The following ULK4 variants were observed in gnomAD, a reference collection of about 807,000 sequenced individuals.
ULK4 encodes the protein inactive serine/threonine-protein kinase ULK4.
ULK4 carries 133 observed loss-of-function variants against 160.6 expected under a neutral mutation model. That is an observed-to-expected ratio of 0.83 (90% confidence interval 0.72 to 0.96). ULK4 has a LOEUF of 0.96. ULK4 is among the 40% of genes least tolerant of loss of function. The pLI, the probability that ULK4 is intolerant of heterozygous loss-of-function variation, is 0.00. For missense variants in ULK4, 1,580 were observed against 1,499.5 expected, an observed-to-expected ratio of 1.05 and a Z score of -0.89; for synonymous variants, 534 against 539.8, an observed-to-expected ratio of 0.99 and a Z score of 0.15.
intron 19 of ULK4, among the ~76,000 whole-genome samples, chr3:41,818,305 C>G (rs145511717): frequency 1.4e-4 from 22 of 152,248 alleles, no homozygotes; most frequent in African/African-American, 5.3e-4. Flanking sequence ...TAAAAGCCTT[C>G]TCTCTCCCTT....
Position 41,800,268 on chromosome 3 carries a change from GCC to G in ULK4, c.1872_1873del (p.Met624IlefsTer6), listed in dbSNP as rs1188500133. 3.1e-6 allele frequency: 5 copies of G among 1,612,416 alleles called. No homozygotes were observed. Among genetic ancestry groups the G allele is most frequent in the Non-Finnish European group, 3.4e-6 (4 of 1,179,580 alleles). On this transcript the variant is annotated frameshift_variant, in exon 20 of 37. Coordinates refer to ENST00000301831, the MANE Select transcript of ULK4 (RefSeq NM_017886.4). LOFTEE classifies it high-confidence loss of function. ...ACAGACATTTTCAATAATTTTTGCTGCCATGTGATTCACAACACGCTCTTCCT... is the reference window on the plus strand; with the variant it reads ...ACAGACATTTTCAATAATTTTTGCTGATGTGATTCACAACACGCTCTTCCT...
At position 41,524,831 on chromosome 3, in the gene ULK4, G is replaced by A. The variant is rs1470898878; in HGVS notation, c.3226+41194C>T. Among the ~76,000 whole-genome samples the A allele has an allele frequency of 4.6e-5, 7 of 152,094 alleles. No individual in the cohort carries two copies. The East Asian group carries it at 1.4e-3, about 29-fold the overall frequency. ...CACGTGCCTGTAGTCCAAGCTACTCGGGAAGCTGAGGCAGGGGAATCGCTT... is the reference window on the plus strand; with the variant it reads ...CACGTGCCTGTAGTCCAAGCTACTCAGGAAGCTGAGGCAGGGGAATCGCTT... On this transcript the variant is annotated intron_variant, in intron 32 of 36. Transcript: ENST00000301831.
intron 19 of ULK4, among the ~76,000 whole-genome samples, chr3:41,808,164 C>T (rs2040708697): frequency 6.6e-6 from 1 of 152,120 alleles, no homozygotes; most frequent in African/African-American, 2.4e-5. Context: ...CTAGTTCTTA[C>T]TACAAAAAAT....
intron 18 of ULK4, among the ~76,000 whole-genome samples, chr3:41,823,797 C>G (rs6793520): frequency 0.25 from 38,729 of 152,030 alleles, 6,120 homozygotes; most frequent in African/African-American, 0.45. Flanking sequence ...TTTGCTATCA[C>G]GAGATGTAGT....
chr3:41,346,753 T>C (rs1430775049), intron 35 of ULK4, among the ~76,000 whole-genome samples: 4 of 152,222 alleles, frequency 2.6e-5, no homozygotes, highest in East Asian at 1.9e-4. Context: ...GTAAAAGTAA[T>C]TGAAAAAGAA....
intron 35 of ULK4, among the ~76,000 whole-genome samples, chr3:41,346,259 G>A (rs1465266445): frequency 1.3e-5 from 2 of 152,052 alleles, no homozygotes; most frequent in African/African-American, 4.8e-5. Flanking sequence ...TGATCTGTGG[G>A]GCTGTCTTTT....
At chr3:41,666,329 C>G (rs1345634262) in intron 29 of ULK4, among the ~76,000 whole-genome samples, 1 of 152,210 alleles carries the variant, frequency 6.6e-6, no homozygotes, top group Admixed American at 6.5e-5. Flanking sequence ...CGAAGGCACT[C>G]TTACCAGGGA....
Position 41,896,912 on chromosome 3 carries a change from C to T in ULK4, c.1440G>A (p.Gly480=). ...GGAGATTCAGCTTGGCTCGGGAGGCCCCCATGCTCTTCTCAGTGGAGTCGA... is the reference window on the plus strand; with the variant it reads ...GGAGATTCAGCTTGGCTCGGGAGGCTCCCATGCTCTTCTCAGTGGAGTCGA... The part of the protein sequence containing the change: ...SQIDSTEKSM[G]ASRAKLNLLC... Residue 480 remains glycine (G), a synonymous_variant, in exon 15 of 37, where the codon GGG becomes GGA. Coordinates refer to ENST00000301831, the MANE Select transcript of ULK4 (RefSeq NM_017886.4). 6.2e-7 allele frequency: 1 copy of T among 1,613,438 alleles called. No homozygotes were observed. Among genetic ancestry groups the T allele is most frequent in the Non-Finnish European group, 8.5e-7 (1 of 1,179,860 alleles).
intron 21 of ULK4, among the ~76,000 whole-genome samples, chr3:41,785,869 T>C (rs566910852): frequency 6.6e-6 from 1 of 152,224 alleles, no homozygotes; most frequent in Non-Finnish European, 1.5e-5. Flanking sequence ...CCTTCCTCCC[T>C]GCTGGCTGTG....
intron 32 of ULK4, among the ~76,000 whole-genome samples, chr3:41,532,907 TCTTTCTCCACCC>T (rs2125942389): frequency 6.6e-6 from 1 of 152,324 alleles, no homozygotes; most frequent in African/African-American, 2.4e-5. Flanking sequence ...AGCTAGAGTC[TCTTTCTCCACCC>T]CTTGAACCAA....
chr3:41,859,646 CCTT>C (rs980334301), intron 17 of ULK4: 4 of 447,488 alleles, frequency 8.9e-6, no homozygotes, highest in Admixed American at 2.7e-5. Context: ...TTCCCAAATT[CCTT>C]CTTTTTTGTT....
At chr3:41,858,999 T>C (rs2042436750) in intron 17 of ULK4, among the ~76,000 whole-genome samples, 1 of 152,158 alleles carries the variant, frequency 6.6e-6, no homozygotes, top group Non-Finnish European at 1.5e-5. Flanking sequence ...ACTTCATTGG[T>C]TCCCATGTGA....
At chr3:41,913,133 G>A in intron 8 of ULK4, 1 of 333,108 alleles carries the variant, frequency 3.0e-6, no homozygotes, top group Non-Finnish European at 5.4e-6. Context: ...TGATAACTAA[G>A]CATTAGAAGT....
chr3:41,841,294 G>GGAA (rs2041919594), intron 17 of ULK4, among the ~76,000 whole-genome samples: 1 of 142,268 alleles, frequency 7.0e-6, no homozygotes, highest in African/African-American at 2.6e-5. Context: ...TGGGAAGTGG[G>GGAA]CGCCTCTGCC....
intron 19 of ULK4, among the ~76,000 whole-genome samples, chr3:41,805,469 T>C (rs1242305894): frequency 3.9e-5 from 6 of 151,984 alleles, no homozygotes; most frequent in East Asian, 1.9e-4. Context: ...ATTGAATATC[T>C]TTTATTTCCT....
At chr3:41,919,632 C>G in intron 6 of ULK4, 85 bp downstream of exon 6, 1 of 1,157,822 alleles carries the variant, frequency 8.6e-7, no homozygotes, top group Non-Finnish European at 1.3e-6. Context: ...TTTTTCACAT[C>G]TTATAGGTAA....
At chr3:41,590,072 G>A (rs1372725812) in intron 31 of ULK4, among the ~76,000 whole-genome samples, 2 of 151,620 alleles carry the variant, frequency 1.3e-5, no homozygotes, top group Non-Finnish European at 2.9e-5. Context: ...GCGCGATCTC[G>A]GCTCACTGTA....
At chr3:41,548,984 C>G (rs944109991) in intron 32 of ULK4, among the ~76,000 whole-genome samples, 2 of 152,108 alleles carry the variant, frequency 1.3e-5, no homozygotes, top group African/African-American at 2.4e-5. Flanking sequence ...CTGCATGAAC[C>G]CTGAATCAAA....
chr3:41,904,895 T>G (rs1371313559), intron 12 of ULK4, among the ~76,000 whole-genome samples: 1 of 152,214 alleles, frequency 6.6e-6, no homozygotes, highest in African/African-American at 2.4e-5. Context: ...GAGGAACACT[T>G]AACATTGTTA....
Sources: gnomAD v4.1 joint callset for allele counts (sites outside exome capture counted in the v4.1 genomes callset) on GRCh38, gnomAD v4.1.1 for gene constraint, MANE v1.5 for transcripts, NCBI Gene and HGNC (gene_info 2026-07-23, HGNC 2026-07-21) for gene names.